Variants in CEP350 observed in about 807,000 individuals in gnomAD.
CEP350 encodes centrosome-associated protein 350.
In CEP350, 126 loss-of-function variants were observed where a neutral mutation model predicts 331.8. The observed-to-expected ratio is 0.38, with a 90% CI of 0.33 to 0.44. CEP350 has a LOEUF of 0.44. CEP350 is among the 20% of genes least tolerant of loss of function. The pLI is 1.00. For missense variants in CEP350, 3,406 were observed against 3,634.6 expected (o/e 0.94, Z 1.62); for synonymous variants, 1,200 against 1,259.5 (o/e 0.95, Z 1.00).
chr1:180,051,180 G>T (rs961086424), intron 22 of CEP350, among the ~76,000 whole-genome samples: 1 of 152,128 alleles, frequency 6.6e-6, no homozygotes, highest in Non-Finnish European at 1.5e-5. Flanking sequence ...TCCATACAAC[G>T]AAATACTATT....
chr1:180,087,451 G>A (rs1659933170), intron 31 of CEP350, 127 bp from the exon 32 acceptor site: 2 of 810,820 alleles, frequency 2.5e-6, no homozygotes, highest in Non-Finnish European at 3.6e-6. Context: ...AGGGGGGCAG[G>A]GAGGGAGATT....
chr1:179,959,483 G>A (rs111959418), intron 1 of CEP350, among the ~76,000 whole-genome samples: 6,387 of 151,946 alleles, frequency 0.042, 211 homozygotes, highest in Non-Finnish European at 0.061. Flanking sequence ...GGCTGGGTGC[G>A]GTGTCTCATG....
In CEP350 at chr1:179,984,712, A is replaced by G. The variant is rs191601514; in HGVS notation, c.-13-1457A>G. On this transcript the variant is annotated intron_variant, in intron 1 of 37. Coordinates refer to ENST00000367607, the MANE Select transcript of CEP350 (RefSeq NM_014810.5). Reference sequence around the variant, plus strand: ...ATTTTGGATATATTTTAAAACCACCACAAGTGTCCAGCAGTTAAGTAAAGT... The same window carrying G: ...ATTTTGGATATATTTTAAAACCACCGCAAGTGTCCAGCAGTTAAGTAAAGT... Among the ~76,000 whole-genome samples, 19 of 152,334 alleles carry G rather than the reference A, an allele frequency of 1.2e-4. No homozygotes were observed. In the East Asian group the frequency reaches 3.3e-3, roughly 26 times the overall value.
At chr1:180,072,535 T>G (rs1658959619) in intron 27 of CEP350, among the ~76,000 whole-genome samples, 1 of 152,190 alleles carries the variant, frequency 6.6e-6, no homozygotes, top group Non-Finnish European at 1.5e-5. Context: ...TGTACGTTCA[T>G]AAAGAATGGC....
intron 28 of CEP350, 140 bp from the exon 29 acceptor site, chr1:180,078,323 T>C: frequency 3.2e-6 from 2 of 623,332 alleles, no homozygotes; most frequent in Admixed American, 5.7e-5. Context: ...TCTGTGCATC[T>C]GTGGAAGCTA....
intron 30 of CEP350, among the ~76,000 whole-genome samples, chr1:180,081,356 C>T (rs922207573): frequency 3.9e-5 from 6 of 152,070 alleles, no homozygotes; most frequent in Admixed American, 1.3e-4. Context: ...CTTCTTTCTT[C>T]TTTGAGTAAC....
chr1:180,009,273 G>C (rs1244580935), intron 8 of CEP350, among the ~76,000 whole-genome samples: 2 of 152,198 alleles, frequency 1.3e-5, no homozygotes, highest in African/African-American at 4.8e-5. Context: ...GCCTCCCAAA[G>C]TTTTGGGATT....
chr1:180,005,799 T>C (rs888362879), intron 7 of CEP350, among the ~76,000 whole-genome samples: 1 of 152,218 alleles, frequency 6.6e-6, no homozygotes, highest in Non-Finnish European at 1.5e-5. Flanking sequence ...GGTTTCTTTT[T>C]AGATACTAGG....
At chr1:179,977,741 C>A (rs765577533) in intron 1 of CEP350, among the ~76,000 whole-genome samples, 15 of 152,046 alleles carry the variant, frequency 9.9e-5, no homozygotes, top group Non-Finnish European at 2.1e-4. Flanking sequence ...ATTAAAAAAT[C>A]TTTCTTCAGT....
intron 25 of CEP350, among the ~76,000 whole-genome samples, chr1:180,055,110 T>C (rs1657732236): frequency 6.6e-6 from 1 of 152,194 alleles, no homozygotes; most frequent in Non-Finnish European, 1.5e-5. Flanking sequence ...TTTATAGGGT[T>C]GTTTTAAGAA....
chr1:179,996,117 G>C (rs1653441555), intron 5 of CEP350, among the ~76,000 whole-genome samples: 1 of 152,132 alleles, frequency 6.6e-6, no homozygotes, highest in Non-Finnish European at 1.5e-5. Context: ...ATAATATGCA[G>C]ATTGTTATTT....
Position 179,986,262 on chromosome 1 carries a change from TTTG to T in CEP350, c.73+11_73+13del. The T allele has an allele frequency of 6.5e-7, 1 of 1,547,742 alleles. No homozygotes were observed. Among genetic ancestry groups the T allele is most frequent in the Non-Finnish European group, 8.7e-7 (1 of 1,144,906 alleles). ...GCAAGGATACTGTTCAAGGTATGAT[TTTG>T]TTTTTTTAAACAGAACTTAATACCT... On this transcript the variant is annotated intron_variant, in intron 2 of 37. Coordinates refer to ENST00000367607, the MANE Select transcript of CEP350 (RefSeq NM_014810.5).
Position 180,094,124 on chromosome 1 carries a change from C to A in CEP350, c.8019C>A (p.Ala2673=), listed in dbSNP as rs1168127387. Residue 2673 remains alanine (A), a synonymous_variant, in exon 34 of 38, where the codon GCC becomes GCA. Transcript: ENST00000367607. Reference sequence around the variant, plus strand: ...AAAACAAAGACCTCATTTCTGATGCCACAGAAAAGGTTTCCATCGCTGCAG... The same window carrying A: ...AAAACAAAGACCTCATTTCTGATGCAACAGAAAAGGTTTCCATCGCTGCAG... ...SKENKDLISD[A]TEKVSIAAED... is the part of the protein sequence containing the mutation. The A allele has an allele frequency of 1.2e-6, 2 of 1,613,742 alleles. No homozygotes were observed. Among genetic ancestry groups the A allele is most frequent in the Non-Finnish European group, 1.7e-6 (2 of 1,179,758 alleles).
Position 180,032,381 on chromosome 1 carries a change from A to C in CEP350, c.3725+887A>C, listed in dbSNP as rs150041459. On this transcript the variant is annotated intron_variant, in intron 15 of 37. Transcript: ENST00000367607. Reference sequence around the variant, plus strand: ...ACCATTATTTCTGTGTTTAAAATTAAATTTTTTTTCTTTGTCAGTGATTTT... The same window carrying C: ...ACCATTATTTCTGTGTTTAAAATTACATTTTTTTTCTTTGTCAGTGATTTT... Among the ~76,000 whole-genome samples, 912 of 152,242 alleles carry C rather than the reference A, an allele frequency of 6.0e-3. 10 individuals carry two copies. Among genetic ancestry groups the C allele is most frequent in the African/African-American group, 0.021 (871 of 41,558 alleles).
In CEP350 at chr1:180,031,227, CT is replaced by C. The variant is rs966331019; in HGVS notation, c.3551-88del. On this transcript the variant is annotated intron_variant, in intron 14 of 37. Coordinates refer to ENST00000367607, the MANE Select transcript of CEP350 (RefSeq NM_014810.5). ...CAAATTTTAAATATTCTGATTTATA[CT>C]TTTTGTTATTTTATTGAAATCTATA... The C allele has an allele frequency of 4.3e-6, 3 of 696,814 alleles. No homozygotes were observed. The African/African-American group carries it at 5.7e-5, about 13-fold the overall frequency. 43.2% of individuals were successfully genotyped at this position (696,814 alleles called of 1,614,324 possible).
At chr1:179,970,841 G>A (rs1305102648) in intron 1 of CEP350, among the ~76,000 whole-genome samples, 1 of 152,166 alleles carries the variant, frequency 6.6e-6, no homozygotes, top group Admixed American at 6.5e-5. Flanking sequence ...ATAGATCATT[G>A]TTTCACAGAT....
At chr1:179,982,433 G>A (rs903865659) in intron 1 of CEP350, among the ~76,000 whole-genome samples, 36 of 152,066 alleles carry the variant, frequency 2.4e-4, no homozygotes, top group Non-Finnish European at 8.8e-5. Context: ...TTACATAAAT[G>A]TCATACTTTT....
intron 36 of CEP350, among the ~76,000 whole-genome samples, chr1:180,097,182 A>G (rs181220203): frequency 7.9e-5 from 12 of 152,352 alleles, no homozygotes; most frequent in Admixed American, 3.3e-4. Flanking sequence ...AGGCCCCTGT[A>G]TGTTTTTATA....
intron 11 of CEP350, among the ~76,000 whole-genome samples, chr1:180,016,775 C>T (rs1305522509): frequency 6.7e-6 from 1 of 149,316 alleles, no homozygotes; most frequent in Non-Finnish European, 1.5e-5. Flanking sequence ...TATTCTCTTG[C>T]CTCAACTTCC....
Sources: allele counts gnomAD v4.1 joint callset (sites outside exome capture counted in the v4.1 genomes callset), GRCh38; gene constraint gnomAD v4.1.1; transcripts MANE v1.5; gene names NCBI Gene and HGNC (gene_info 2026-07-23, HGNC 2026-07-21).